Variants in CCDC102B observed in about 807,000 individuals in gnomAD.
The protein encoded by CCDC102B is coiled-coil domain-containing protein 102B.
CCDC102B carries 75 observed loss-of-function variants against 57.4 expected under a neutral mutation model. That is an observed-to-expected ratio of 1.31 (90% confidence interval 1.08 to 1.58). The LOEUF is 1.58. CCDC102B is among the 40% of genes most tolerant of loss of function. CCDC102B has a pLI of 0.00. For missense variants in CCDC102B, 636 were observed against 582.6 expected (o/e 1.09, Z -0.94); for synonymous variants, 206 against 201.9 (o/e 1.02, Z -0.17).
rs570557080 is a variant in CCDC102B, at chr18:68,766,232, G to A, written c.-67+49638G>A. On this transcript the variant is annotated intron_variant, in intron 2 of 3. Coordinates refer to the CCDC102B transcript ENST00000578970. ...CTCCTAGGACAAAGAAGCAAGATTAGAAATAGGGCTACTTCTGCTTCTGTG... is the reference window on the plus strand; with the variant it reads ...CTCCTAGGACAAAGAAGCAAGATTAAAAATAGGGCTACTTCTGCTTCTGTG... Among the ~76,000 whole-genome samples the A allele has an allele frequency of 2.0e-5, 3 of 152,252 alleles. No homozygotes were observed. The South Asian group carries it at 6.2e-4, about 32-fold the overall frequency.
At chr18:68,722,576 C>T (rs942619859) in intron 2 of CCDC102B, among the ~76,000 whole-genome samples, 1 of 151,944 alleles carries the variant, frequency 6.6e-6, no homozygotes, top group African/African-American at 2.4e-5. Flanking sequence ...GGGTTTTATA[C>T]AAGAAAGTAA....
chr18:69,007,951 T>C (rs1213549119), intron 6 of CCDC102B, among the ~76,000 whole-genome samples: 2 of 152,200 alleles, frequency 1.3e-5, no homozygotes, highest in Non-Finnish European at 1.5e-5. Flanking sequence ...TTTAAATCGG[T>C]CTAAGTAAAT....
At chr18:69,045,631 T>C (rs527627312) in intron 7 of CCDC102B, among the ~76,000 whole-genome samples, 16 of 152,260 alleles carry the variant, frequency 1.1e-4, no homozygotes, top group African/African-American at 3.6e-4. Context: ...TAATGGTACA[T>C]GTGCAGGTTT....
chr18:68,892,702 ATTACT>A (rs1183948490), intron 5 of CCDC102B, among the ~76,000 whole-genome samples: 1 of 152,196 alleles, frequency 6.6e-6, no homozygotes, highest in Non-Finnish European at 1.5e-5. Context: ...ATTACAAAAA[ATTACT>A]TTAAGAGACT....
At chr18:68,956,334 T>TAGATAATATATATATAAA (rs1440546264) in intron 6 of CCDC102B, among the ~76,000 whole-genome samples, 1 of 73,502 alleles carries the variant, frequency 1.4e-5, no homozygotes, top group Non-Finnish European at 2.5e-5. Flanking sequence ...ATATATATTA[T>TAGATAATATATATATAAA]ATATAATATA....
At chr18:68,902,546 A>G (rs957414294) in intron 6 of CCDC102B, among the ~76,000 whole-genome samples, 4 of 152,180 alleles carry the variant, frequency 2.6e-5, no homozygotes, top group Non-Finnish European at 5.9e-5. Context: ...TAGTTACAGT[A>G]AGTGACAACA....
intron 2 of CCDC102B, among the ~76,000 whole-genome samples, chr18:68,738,332 A>G (rs139074011): frequency 6.6e-6 from 1 of 152,148 alleles, no homozygotes; most frequent in Admixed American, 6.5e-5. Flanking sequence ...TTATCTAAAG[A>G]TGTCTCTTTG....
intron 5 of CCDC102B, among the ~76,000 whole-genome samples, chr18:68,879,165 G>C (rs1047336478): frequency 6.6e-6 from 1 of 151,866 alleles, no homozygotes; most frequent in Non-Finnish European, 1.5e-5. Flanking sequence ...AGATCTTCGC[G>C]GCGAGTGTTA....
intron 7 of CCDC102B, among the ~76,000 whole-genome samples, chr18:69,027,078 T>C (rs73453727): frequency 0.033 from 4,953 of 152,254 alleles, 282 homozygotes; most frequent in African/African-American, 0.11. Context: ...TTTAGTATCA[T>C]TCGGAGCTAA....
intron 7 of CCDC102B, among the ~76,000 whole-genome samples, chr18:69,020,067 AT>A (rs2051787911): frequency 6.6e-6 from 1 of 151,838 alleles, no homozygotes; most frequent in African/African-American, 2.4e-5. Context: ...CTTACCCTTG[AT>A]TTGCTTTCTC....
chr18:68,944,868 A>G (rs2049488215), intron 6 of CCDC102B, among the ~76,000 whole-genome samples: 1 of 152,060 alleles, frequency 6.6e-6, no homozygotes, highest in Admixed American at 6.6e-5. Flanking sequence ...TTCCTAAAAT[A>G]GAACAACATT....
chr18:69,056,265 T>C (rs960132152), downstream of CCDC102B, among the ~76,000 whole-genome samples: 2 of 152,090 alleles, frequency 1.3e-5, no homozygotes. Flanking sequence ...CTTCAAAATA[T>C]TGGGAACTAA....
At chr18:68,844,165 G>T (rs1336660501) in intron 3 of CCDC102B, among the ~76,000 whole-genome samples, 2 of 151,628 alleles carry the variant, frequency 1.3e-5, no homozygotes, top group East Asian at 3.9e-4. Flanking sequence ...GAAAATTTTT[G>T]AATTTGAATT....
chr18:68,913,441 G>A (rs1315362477), intron 6 of CCDC102B, among the ~76,000 whole-genome samples: 1 of 151,664 alleles, frequency 6.6e-6, no homozygotes, highest in African/African-American at 2.4e-5. Context: ...GAGGTCAAGA[G>A]TTCCAGACCA....
chr18:68,886,267 A>C (rs2039879812), intron 5 of CCDC102B, among the ~76,000 whole-genome samples: 1 of 152,084 alleles, frequency 6.6e-6, no homozygotes, highest in Non-Finnish European at 1.5e-5. Context: ...TAATAGGACA[A>C]ATAATACCAT....
At chr18:69,051,725 C>T (rs1196162473) in intron 7 of CCDC102B, among the ~76,000 whole-genome samples, 1 of 151,848 alleles carries the variant, frequency 6.6e-6, no homozygotes, top group Non-Finnish European at 1.5e-5. Flanking sequence ...AAACTTTATA[C>T]ATCATATATA....
chr18:68,874,227 T>C (rs956468882), intron 4 of CCDC102B, among the ~76,000 whole-genome samples: 3 of 149,568 alleles, frequency 2.0e-5, no homozygotes, highest in Non-Finnish European at 4.5e-5. Context: ...TATATATACT[T>C]TATTTCCATT....
At chr18:68,927,814 C>T (rs2041526708) in intron 6 of CCDC102B, among the ~76,000 whole-genome samples, 1 of 151,784 alleles carries the variant, frequency 6.6e-6, no homozygotes, top group Non-Finnish European at 1.5e-5. Flanking sequence ...GGGAGAGCTG[C>T]TTGTGTAACT....
chr18:68,940,894 A>C (rs1024835311), intron 6 of CCDC102B, among the ~76,000 whole-genome samples: 3 of 152,028 alleles, frequency 2.0e-5, no homozygotes, highest in Non-Finnish European at 4.4e-5. Context: ...ATTCAAAAAA[A>C]GTAAACTAAC....
Sources: allele counts gnomAD v4.1 joint callset (sites outside exome capture counted in the v4.1 genomes callset), GRCh38; gene constraint gnomAD v4.1.1; transcripts MANE v1.5; gene names NCBI Gene and HGNC (gene_info 2026-07-23, HGNC 2026-07-21).